The following ZFP1 variants were observed in gnomAD, a reference collection of about 807,000 sequenced individuals.
ZFP1 encodes ZFP1 zinc finger protein.
In ZFP1, 32 loss-of-function variants were observed where a neutral mutation model predicts 38.5. The ratio of observed to expected loss-of-function variants is 0.83; its 90% CI spans 0.63 to 1.12. ZFP1 has a LOEUF of 1.12. Ranked by LOEUF, ZFP1 falls within the 50% of genes most tolerant of loss-of-function variation. The probability of loss-of-function intolerance (pLI) is 0.00; values close to 1 mark genes in which losing one functional copy is unlikely to be tolerated. For missense variants in ZFP1, 616 were observed against 480.8 expected, an observed-to-expected ratio of 1.28 and a Z score of -2.63; for synonymous variants, 245 against 168.8, an observed-to-expected ratio of 1.45 and a Z score of -3.50.
chr16:75,159,172 C>G (rs1489425147), intron 2 of ZFP1, among the ~76,000 whole-genome samples: 1 of 151,614 alleles, frequency 6.6e-6, no homozygotes, highest in Non-Finnish European at 1.5e-5. Context: ...GCTGGGATTT[C>G]AGGTATGCGC....
intron 2 of ZFP1, among the ~76,000 whole-genome samples, chr16:75,158,631 A>ATTT (rs34686066): frequency 4.0e-4 from 57 of 142,198 alleles, no homozygotes; most frequent in African/African-American, 1.3e-3. Context: ...TTTATTTGTG[A>ATTT]TTTTTTTTTT....
At chr16:75,121,624 T>C in the ZFP1 span, among the ~76,000 whole-genome samples, 1 of 152,242 alleles carries the variant, frequency 6.6e-6, no homozygotes. Flanking sequence ...AATCTGAGTG[T>C]ATCCATAAGA....
chr16:75,164,069 T>C (rs189131836), intron 2 of ZFP1, among the ~76,000 whole-genome samples: 2 of 152,250 alleles, frequency 1.3e-5, no homozygotes, highest in African/African-American at 2.4e-5. Flanking sequence ...GGTCATGTTA[T>C]GTGCATTTTT....
the ZFP1 span, among the ~76,000 whole-genome samples, chr16:75,139,139 G>A: frequency 7.9e-5 from 12 of 152,186 alleles, 2 homozygotes; most frequent in East Asian, 3.9e-4. Context: ...GGAGGCTGAG[G>A]TGGGCGGATC....
At chr16:75,167,227 A>G (rs2038139598) in intron 3 of ZFP1, among the ~76,000 whole-genome samples, 1 of 152,232 alleles carries the variant, frequency 6.6e-6, no homozygotes, top group South Asian at 2.1e-4. Flanking sequence ...AGGGAGAAGC[A>G]GAAGCCAGTG....
chr16:75,138,193 C>T, the ZFP1 span, among the ~76,000 whole-genome samples: 2 of 152,008 alleles, frequency 1.3e-5, no homozygotes, highest in Non-Finnish European at 2.9e-5. Context: ...TGCGCCACCA[C>T]ACCTGGCTAA....
the ZFP1 span, among the ~76,000 whole-genome samples, chr16:75,140,598 T>C: frequency 6.6e-6 from 1 of 152,144 alleles, no homozygotes; most frequent in South Asian, 2.1e-4. Context: ...GCATGGCGCC[T>C]GCCACCAGCA....
chr16:75,159,227 A>G (rs577028077), intron 2 of ZFP1, among the ~76,000 whole-genome samples: 1 of 142,412 alleles, frequency 7.0e-6, no homozygotes, highest in African/African-American at 2.6e-5. Context: ...TTTCTCCTTC[A>G]TTCCTTCCTT....
the ZFP1 span, among the ~76,000 whole-genome samples, chr16:75,123,455 G>A: frequency 1.8e-4 from 16 of 87,290 alleles, no homozygotes; most frequent in African/African-American, 3.8e-4. Context: ...GTGTGTATAT[G>A]TATATATATA....
the ZFP1 span, among the ~76,000 whole-genome samples, chr16:75,133,165 CAG>C: frequency 1.4e-5 from 2 of 147,428 alleles, no homozygotes; most frequent in African/African-American, 2.5e-5. Flanking sequence ...TTAGTAGAGA[CAG>C]GGTTTCGCCA....
At chr16:75,133,129 C>T in the ZFP1 span, among the ~76,000 whole-genome samples, 1 of 151,688 alleles carries the variant, frequency 6.6e-6, no homozygotes, top group African/African-American at 2.4e-5. Context: ...AGGTGCATGC[C>T]ACCACGCCCA....
intron 2 of ZFP1, among the ~76,000 whole-genome samples, chr16:75,165,273 T>C (rs912920333): frequency 6.6e-6 from 1 of 152,226 alleles, no homozygotes; most frequent in African/African-American, 2.4e-5. Flanking sequence ...TAGAAAAAGT[T>C]TGTCAACCAA....
rs2038443093 is a variant in ZFP1 at position 75,171,727 on chromosome 16, T to C, written c.*1393T>C. 1 of 152,248 alleles carries C rather than the reference T, an allele frequency of 6.6e-6. No homozygotes were observed. The allele number at this position is 152,248 out of a possible 1,614,324, so 9.4% of individuals were successfully genotyped here. ...ATTTTTGGATATCATTGATGTGCTG[T>C]CACACTATATATTGAGTGACTTTCT... is the stretch of plus-strand genomic sequence containing the variant. On this transcript the variant is annotated 3_prime_UTR_variant, in exon 4 of 4. Coordinates refer to ENST00000570010, the MANE Select transcript of ZFP1 (RefSeq NM_153688.4).
chr16:75,161,126 G>A (rs1034382662), intron 2 of ZFP1, among the ~76,000 whole-genome samples: 1 of 152,004 alleles, frequency 6.6e-6, no homozygotes, highest in Non-Finnish European at 1.5e-5. Context: ...GTAGTGCAGT[G>A]GCACCATCTT....
chr16:75,168,472 C>G (rs1249638066), intron 3 of ZFP1, among the ~76,000 whole-genome samples: 1 of 151,678 alleles, frequency 6.6e-6, no homozygotes, highest in Non-Finnish European at 1.5e-5. Flanking sequence ...GAGGGAGACC[C>G]TATCTCTAAA....
At chr16:75,157,363 C>G (rs12923993) in intron 2 of ZFP1, among the ~76,000 whole-genome samples, 118,485 of 151,298 alleles carry the variant, frequency 0.78, 47,560 homozygotes, top group Non-Finnish European at 0.87. Flanking sequence ...CCCGCCTCAG[C>G]CTCCTAAGTA....
intron 1 of ZFP1, chr16:75,149,145 C>G (rs949064723): frequency 1.3e-5 from 2 of 152,174 alleles, no homozygotes; most frequent in Non-Finnish European, 2.9e-5. Flanking sequence ...GAGGTGTTCC[C>G]CTGATCCTCG....
rs1445673762 is a variant in ZFP1 at position 75,161,783 on chromosome 16, T to A, written c.16-4987T>A. On this transcript the variant is annotated intron_variant, in intron 2 of 3. Coordinates refer to ENST00000570010, the MANE Select transcript of ZFP1 (RefSeq NM_153688.4). ...ATATATATATATATATATTTTTTTT[T>A]TTTTTTTTTTTTTTTTTCCTGAGAT... is the stretch of plus-strand genomic sequence containing the variant. 7.0e-4 allele frequency among the ~76,000 whole-genome samples: 46 copies of A among 66,138 alleles called. 4 individuals are homozygous for A. The highest frequency in any genetic ancestry group is 1.5e-3 in the African/African-American group (29 of 19,170). The allele number at this position is 66,138 out of a possible 152,430, so 43.4% of individuals were successfully genotyped here. A position where few individuals can be genotyped will look rare whatever the true frequency, so the allele number is the denominator to read the frequency against.
At chr16:75,162,350 C>G (rs1322157243) in intron 2 of ZFP1, among the ~76,000 whole-genome samples, 2 of 151,934 alleles carry the variant, frequency 1.3e-5, no homozygotes, top group East Asian at 1.9e-4. Context: ...TCTTGAACTC[C>G]TGACCTTAAG....
Sources: gnomAD v4.1 joint callset for allele counts (sites outside exome capture counted in the v4.1 genomes callset) on GRCh38, gnomAD v4.1.1 for gene constraint, MANE v1.5 for transcripts, NCBI Gene and HGNC (gene_info 2026-07-23, HGNC 2026-07-21) for gene names.